Variants in AREL1 observed in about 807,000 individuals in gnomAD.
AREL1 encodes apoptosis resistant E3 ubiquitin protein ligase 1.
Under a neutral mutation model 99.0 loss-of-function variants are expected in AREL1, and 62 were observed. That is an observed-to-expected ratio of 0.63 (90% CI 0.51 to 0.77). The LOEUF (loss-of-function observed/expected upper bound fraction) is 0.77, where lower values mean the gene tolerates loss of function less well. Ranked by LOEUF, AREL1 falls within the 30% of genes least tolerant of loss-of-function variation. The pLI, the probability that AREL1 is intolerant of heterozygous loss-of-function variation, is 0.00. For missense variants in AREL1, 879 were observed against 1,027.6 expected (o/e 0.86, Z 1.98); for synonymous variants, 380 against 376.5 (o/e 1.01, Z -0.11).
chr14:74,707,772 C>T (rs1227731651), intron 1 of AREL1, among the ~76,000 whole-genome samples: 9 of 140,646 alleles, frequency 6.4e-5, no homozygotes, highest in African/African-American at 1.9e-4. Context: ...CCAGCCTGGG[C>T]GACAGAGTGA....
intron 1 of AREL1, among the ~76,000 whole-genome samples, chr14:74,704,167 C>T (rs1263019617): frequency 3.3e-5 from 5 of 151,976 alleles, no homozygotes; most frequent in Non-Finnish European, 4.4e-5. Flanking sequence ...TTTTAAAAAT[C>T]GAGCTGTTTG....
At position 74,676,166 on chromosome 14, in the gene AREL1, A is replaced by G; in HGVS notation, c.807T>C (p.Gly269=). The G allele has an allele frequency of 1.9e-6, 3 of 1,613,822 alleles. No homozygotes were observed. The highest frequency in any genetic ancestry group is 2.5e-6 in the Non-Finnish European group (3 of 1,179,956). The part of the protein sequence containing the change: ...ISYQNQPINN[G]EFDIIVLSED... ...CACTTAGGACAATAATGTCAAATTC[A>G]CCATTATTGATTGGCTGATTTTGGT... Residue 269 remains glycine, a synonymous_variant, in exon 7 of 20, where the codon GGT becomes GGC. Transcript: ENST00000356357.
At chr14:74,699,551 C>T (rs1205274802) in intron 1 of AREL1, among the ~76,000 whole-genome samples, 2 of 152,254 alleles carry the variant, frequency 1.3e-5, no homozygotes, top group East Asian at 1.9e-4. Context: ...AATTATCTAA[C>T]TTGTTTTTAT....
chr14:74,674,211 T>A, intron 8 of AREL1, 100 bp from the exon 9 acceptor site: 6 of 950,226 alleles, frequency 6.3e-6, no homozygotes, highest in Middle Eastern at 2.4e-4. Flanking sequence ...ACATTTCTCA[T>A]AACCTTTCCT....
chr14:74,680,701 G>A lies in AREL1; in HGVS notation c.481+2595C>T, dbSNP rs551869344. Among the ~76,000 whole-genome samples, 5 of 152,274 alleles carry A rather than the reference G, an allele frequency of 3.3e-5. No individual in the cohort carries two copies. The East Asian group carries it at 7.7e-4, about 23-fold the overall frequency. ...GGTACATTCAGACCACAGAATATAC[G>A]TAGAGAATCCCTAATCCAAAAACCA... is the stretch of plus-strand genomic sequence containing the variant. On this transcript the variant is annotated intron_variant, in intron 5 of 19. Transcript: ENST00000356357.
intron 13 of AREL1, 68 bp from the exon 14 acceptor site, chr14:74,670,194 C>A: frequency 6.9e-7 from 1 of 1,449,624 alleles, no homozygotes. Flanking sequence ...AAGGACCCTT[C>A]CTTCCCCAAC....
At chr14:74,665,662 T>C (rs574114814) in intron 17 of AREL1, among the ~76,000 whole-genome samples, 4 of 152,338 alleles carry the variant, frequency 2.6e-5, no homozygotes, top group African/African-American at 4.8e-5. Context: ...CTTGATCAGA[T>C]ACATTTAAAA....
chr14:74,678,273 G>GAT, intron 5 of AREL1: 1 of 450,546 alleles, frequency 2.2e-6, no homozygotes, highest in Non-Finnish European at 4.4e-6. Flanking sequence ...AAAGCAGGAA[G>GAT]ATTACTTGAG....
In AREL1 at chr14:74,684,645, T is replaced by C. The variant is rs1566691324; in HGVS notation, c.52A>G (p.Thr18Ala). 6.2e-7 allele frequency: 1 copy of C among 1,614,152 alleles called. No homozygotes were observed. Among genetic ancestry groups the C allele is most frequent in the South Asian group, 1.1e-5 (1 of 91,078 alleles). Residue 18 changes from threonine (T) to alanine (A), a missense_variant, in exon 4 of 20, where the codon ACA becomes GCA. Thr to Ala is a moderately conservative substitution (Grantham distance 58). Coordinates refer to ENST00000356357, the MANE Select transcript of AREL1 (RefSeq NM_001039479.2). ...GCAAGCTCAAAGAGGAACTTAATTG[T>C]GAAGAAGAATGCAACCACAGACACT... Reference protein sequence around the residue: ...ITVSVVAFFFTIKFLFELAAR... With the variant: ...ITVSVVAFFFAIKFLFELAAR...
chr14:74,672,030 G>T (rs1468268710), intron 11 of AREL1: 1 of 454,490 alleles, frequency 2.2e-6, no homozygotes, highest in South Asian at 1.6e-5. Context: ...CCTGGGGAAT[G>T]TAAGAACTAT....
At chr14:74,686,534 T>G (rs2089752181) in intron 2 of AREL1, among the ~76,000 whole-genome samples, 1 of 152,258 alleles carries the variant, frequency 6.6e-6, no homozygotes, top group Admixed American at 6.5e-5. Flanking sequence ...CTCTTTCTTT[T>G]CAAGTCAGCG....
intron 17 of AREL1, 144 bp from the exon 18 acceptor site, chr14:74,665,069 T>C (rs1367143778): frequency 8.6e-6 from 5 of 580,980 alleles, no homozygotes; most frequent in Non-Finnish European, 1.5e-5. Flanking sequence ...AATGCCAGAA[T>C]ACTGCTTTAG....
At chr14:74,687,996 G>A (rs946281458) in intron 2 of AREL1, among the ~76,000 whole-genome samples, 6 of 144,210 alleles carry the variant, frequency 4.2e-5, no homozygotes, top group South Asian at 2.2e-4. Context: ...AAAATAATTC[G>A]TCCAACAAAT....
intron 1 of AREL1, among the ~76,000 whole-genome samples, chr14:74,692,705 T>C (rs376234292): frequency 1.7e-4 from 26 of 152,140 alleles, no homozygotes; most frequent in South Asian, 4.2e-4. Context: ...AGTTTTTTTG[T>C]TTTTGTTTTT....
chr14:74,683,554 A>T (rs767318841), intron 4 of AREL1, 21 bp from the exon 5 acceptor site: 1 of 1,608,758 alleles, frequency 6.2e-7, no homozygotes, highest in Non-Finnish European at 8.5e-7. Flanking sequence ...GAGAAGAAGG[A>T]CACCTGTTAG....
Position 74,663,946 on chromosome 14 carries a change from C to G in AREL1, c.2322G>C (p.Gln774His), listed in dbSNP as rs1440563650. Reference protein sequence around the residue: ...GGFAALCPSFQIIAAPTHSTL... With the variant: ...GGFAALCPSFHIIAAPTHSTL... ...TGCTATGGGTCGGAGCGGCAATAATCTGAAATGAGGGACAGAGGGCGGCAA... is the reference window on the plus strand; with the variant it reads ...TGCTATGGGTCGGAGCGGCAATAATGTGAAATGAGGGACAGAGGGCGGCAA... Residue 774 changes from glutamine to histidine, a missense_variant, in exon 19 of 20, where the codon CAG becomes CAC. By Grantham distance (24) the Gln-to-His change is conservative (BLOSUM62 0). Coordinates refer to ENST00000356357, the MANE Select transcript of AREL1 (RefSeq NM_001039479.2). The G allele has an allele frequency of 6.2e-7, 1 of 1,614,088 alleles. No individual in the cohort carries two copies. The highest frequency in any genetic ancestry group is 1.7e-5 in the Admixed American group (1 of 60,000).
intron 1 of AREL1, among the ~76,000 whole-genome samples, chr14:74,702,509 G>A (rs1290728630): frequency 6.6e-6 from 1 of 152,194 alleles, no homozygotes; most frequent in African/African-American, 2.4e-5. Flanking sequence ...ACACAGCAGG[G>A]GGGACCTGGG....
At chr14:74,690,409 T>C (rs1037594773) in intron 2 of AREL1, among the ~76,000 whole-genome samples, 4 of 152,184 alleles carry the variant, frequency 2.6e-5, no homozygotes, top group Admixed American at 2.6e-4. Flanking sequence ...GGATCTTCCT[T>C]GTAGATAGAG....
At chr14:74,678,195 TA>T (rs1328256795) in intron 5 of AREL1, 1 of 454,782 alleles carries the variant, frequency 2.2e-6, no homozygotes, top group African/African-American at 2.0e-5. Flanking sequence ...CAAGACTTAT[TA>T]TAAGAGCTAC....
Sources: allele counts gnomAD v4.1 joint callset (sites outside exome capture counted in the v4.1 genomes callset), GRCh38; gene constraint gnomAD v4.1.1; transcripts MANE v1.5; gene names NCBI Gene and HGNC (gene_info 2026-07-23, HGNC 2026-07-21).